CHST1: variants seen among roughly 807,000 people sequenced by gnomAD.
The protein encoded by CHST1 is carbohydrate sulfotransferase 1, also known as Keratan sulfotransferase.
Under a neutral mutation model 22.5 loss-of-function variants are expected in CHST1, and 10 were observed. That is an observed-to-expected ratio of 0.44 (90% confidence interval 0.27 to 0.75). CHST1 has a LOEUF of 0.75. Among genes scored for constraint, CHST1 ranks in the 30% least tolerant of loss-of-function variants. The probability of loss-of-function intolerance (pLI) is 0.15; values close to 1 mark genes in which losing one functional copy is unlikely to be tolerated. For synonymous variants in CHST1, 267 were observed against 264.5 expected (o/e 1.01, Z -0.09); for missense variants, 439 against 576.1 (o/e 0.76, Z 2.44).
rs1267802872 is a variant in CHST1 at position 45,665,607 on chromosome 11, G to C, written c.-656C>G. On this transcript the variant is annotated 5_prime_UTR_variant, in exon 1 of 4. Transcript: ENST00000308064. The surrounding 1 kb of genome is among the most constrained non-coding windows in gnomAD (Gnocchi z 4.0). ...AGCCAAGAGCAGCGGCGGCAGCGGCGGCTACAGCTCCGAGCGAGCGGCAGG... is the reference window on the plus strand; with the variant it reads ...AGCCAAGAGCAGCGGCGGCAGCGGCCGCTACAGCTCCGAGCGAGCGGCAGG... 6.6e-6 allele frequency: 1 copy of C among 151,570 alleles called. No homozygotes were observed. The highest frequency in any genetic ancestry group is 2.4e-5 in the African/African-American group (1 of 41,358). 9.4% of individuals were successfully genotyped at this position (151,570 alleles called of 1,614,324 possible).
chr11:45,650,394 T>C lies in CHST1; in HGVS notation c.530A>G (p.Glu177Gly). The change falls in exon 4 of 4, where the codon GAG (glutamate) becomes GGG (glycine). Residue 177 changes from glutamate (E) to glycine (G), a missense_variant. By Grantham distance (98) the Glu-to-Gly change is moderately conservative (BLOSUM62 -2). Coordinates refer to ENST00000308064, the MANE Select transcript of CHST1 (RefSeq NM_003654.6). ...GCACTTGCGCACACAGTCCCCCTCC[T>C]CCAGGACCAGGTCGGCTGGCCCCGG... The part of the protein sequence containing the change: ...DPPGPADLVL[E>G]EGDCVRKCGL... 6.2e-7 allele frequency: 1 copy of C among 1,604,950 alleles called. No individual in the cohort carries two copies. Among genetic ancestry groups the C allele is most frequent in the Non-Finnish European group, 8.5e-7 (1 of 1,179,688 alleles).
chr11:45,650,058 C>A lies in CHST1; in HGVS notation c.866G>T (p.Arg289Leu), dbSNP rs1438421534. The A allele has an allele frequency of 6.2e-7, 1 of 1,614,080 alleles. No homozygotes were observed. The highest frequency in any genetic ancestry group is 8.5e-7 in the Non-Finnish European group (1 of 1,180,018). Residue 289 changes from arginine to leucine, a missense_variant, in exon 4 of 4, where the codon CGG becomes CTG. Physicochemically the swap from Arg to Leu is moderately radical, Grantham distance 102 (BLOSUM62 -2). Coordinates refer to ENST00000308064, the MANE Select transcript of CHST1 (RefSeq NM_003654.6). ...GTACTTGCCCTTGAGCCACGGGGGC[C>A]GCATGAGGCCGGTGGACACGGAGTT... is the stretch of plus-strand genomic sequence containing the variant. ...FSNSVSTGLM[R>L]PPWLKGKYML...
chr11:45,662,365 G>C (rs1407112311), intron 1 of CHST1, among the ~76,000 whole-genome samples: 3 of 152,206 alleles, frequency 2.0e-5, no homozygotes, highest in Non-Finnish European at 4.4e-5. Flanking sequence ...TCCTAGACAG[G>C]TAGGGTCTGA....
intron 1 of CHST1, among the ~76,000 whole-genome samples, chr11:45,660,979 C>T (rs377580989): frequency 2.3e-4 from 35 of 152,312 alleles, no homozygotes; most frequent in Admixed American, 1.2e-3. Flanking sequence ...TTAGAAAACG[C>T]GGGAACCCTG....
chr11:45,650,063 G>A lies in CHST1; in HGVS notation c.861C>T (p.Leu287=). 1.2e-6 allele frequency: 2 copies of A among 1,614,142 alleles called. No individual in the cohort carries two copies. Among genetic ancestry groups the A allele is most frequent in the South Asian group, 1.1e-5 (1 of 91,080 alleles). The change falls in exon 4 of 4, where the codon CTC becomes CTT. Residue 287 remains leucine (L), a synonymous_variant. Coordinates refer to ENST00000308064, the MANE Select transcript of CHST1 (RefSeq NM_003654.6). The part of the protein sequence containing the change: ...EDFSNSVSTG[L]MRPPWLKGKY... ...TGCCCTTGAGCCACGGGGGCCGCAT[G>A]AGGCCGGTGGACACGGAGTTGGAGA... is the stretch of plus-strand genomic sequence containing the variant.
At chr11:45,656,192 G>T (rs1014226507) in intron 1 of CHST1, among the ~76,000 whole-genome samples, 1 of 152,292 alleles carries the variant, frequency 6.6e-6, no homozygotes, top group East Asian at 1.9e-4. Context: ...AATGCCATTA[G>T]TGCCCACAAT....
chr11:45,657,035 T>C (rs16938335), intron 1 of CHST1, among the ~76,000 whole-genome samples: 2,074 of 152,192 alleles, frequency 0.014, 46 homozygotes, highest in African/African-American at 0.043. Context: ...GGCAAGAACC[T>C]GAACATCGTC....
intron 1 of CHST1, among the ~76,000 whole-genome samples, chr11:45,659,995 C>T (rs1053411488): frequency 6.6e-6 from 1 of 152,168 alleles, no homozygotes; most frequent in Non-Finnish European, 1.5e-5. Context: ...GGGTGAAGAG[C>T]ATTAGGAGGG....
Position 45,650,232 on chromosome 11 carries a change from T to G in CHST1, c.692A>C (p.Gln231Pro), listed in dbSNP as rs764265419. The change falls in exon 4 of 4, where the codon CAG (glutamine) becomes CCG (proline). Residue 231 changes from glutamine to proline, a missense_variant. Coordinates refer to ENST00000308064, the MANE Select transcript of CHST1 (RefSeq NM_003654.6). Reference sequence around the variant, plus strand: ...AATGCCGCGGGGGTCTCGGACCAGCTGGATGACCTTGAGGTTTAATCGCGG... The same window carrying G: ...AATGCCGCGGGGGTCTCGGACCAGCGGGATGACCTTGAGGTTTAATCGCGG... ...EDPRLNLKVI[Q>P]LVRDPRGILA... 1 of 1,609,256 alleles carries G rather than the reference T, an allele frequency of 6.2e-7. No homozygotes were observed.
intron 1 of CHST1, among the ~76,000 whole-genome samples, chr11:45,654,823 G>A (rs547409119): frequency 6.6e-6 from 1 of 152,342 alleles, no homozygotes; most frequent in African/African-American, 2.4e-5. Context: ...GTGAACTTGA[G>A]ATGAGGGCAC....
Position 45,650,398 on chromosome 11 carries a change from G to A in CHST1, c.526C>T (p.Leu176=), listed in dbSNP as rs1458184123. ...CDPPGPADLV[L]EEGDCVRKCG... is the part of the protein sequence containing the mutation. ...TTGCGCACACAGTCCCCCTCCTCCA[G>A]GACCAGGTCGGCTGGCCCCGGAGGG... The change falls in exon 4 of 4, where the codon CTG becomes TTG. Residue 176 remains leucine (L), a synonymous_variant. Coordinates refer to ENST00000308064, the MANE Select transcript of CHST1 (RefSeq NM_003654.6). 20 of 1,605,478 alleles carry A rather than the reference G, an allele frequency of 1.2e-5. No individual in the cohort carries two copies. Among genetic ancestry groups the A allele is most frequent in the Non-Finnish European group, 1.7e-5 (20 of 1,179,724 alleles).
chr11:45,649,815 G>T lies in CHST1; in HGVS notation c.1109C>A (p.Ala370Asp), dbSNP rs1268953257. 15 of 1,611,772 alleles carry T rather than the reference G, an allele frequency of 9.3e-6. No homozygotes were observed. Among genetic ancestry groups the T allele is most frequent in the African/African-American group, 1.3e-5 (1 of 74,946 alleles). The part of the protein sequence containing the change: ...WRFRLSYDIV[A>D]FAQNACQQVL... Reference sequence around the variant, plus strand: ...CTGCTGGCAGGCGTTCTGGGCAAAGGCCACGATGTCGTAGGAGAGGCGGAA... The same window carrying T: ...CTGCTGGCAGGCGTTCTGGGCAAAGTCCACGATGTCGTAGGAGAGGCGGAA... Residue 370 changes from alanine to aspartate, a missense_variant, in exon 4 of 4, where the codon GCC becomes GAC. Ala to Asp is a moderately radical substitution (Grantham distance 126). Coordinates refer to ENST00000308064, the MANE Select transcript of CHST1 (RefSeq NM_003654.6).
rs764636490 is a variant in CHST1 at position 45,650,729 on chromosome 11, G to A, written c.195C>T (p.Ile65=). ...YNLSRKTHIL[I]LATTRSGSSF... is the part of the protein sequence containing the mutation. ...AGGAGCCACTGCGCGTGGTGGCCAG[G>A]ATGAGGATGTGGGTCTTGCGGGAGA... Residue 65 remains isoleucine, a synonymous_variant, in exon 4 of 4, where the codon ATC becomes ATT. Transcript: ENST00000308064. 1 of 1,614,156 alleles carries A rather than the reference G, an allele frequency of 6.2e-7. No individual in the cohort carries two copies. The highest frequency in any genetic ancestry group is 1.1e-5 in the South Asian group (1 of 91,092).
intron 1 of CHST1, among the ~76,000 whole-genome samples, chr11:45,658,194 G>A (rs1046715272): frequency 9.2e-5 from 14 of 152,216 alleles, no homozygotes; most frequent in Admixed American, 3.9e-4. Flanking sequence ...TAGCTATGAG[G>A]CCTTGCGTGA....
chr11:45,655,125 G>A (rs1321884567), intron 1 of CHST1, among the ~76,000 whole-genome samples: 1 of 152,198 alleles, frequency 6.6e-6, no homozygotes, highest in African/African-American at 2.4e-5. Context: ...AGAGATCTTG[G>A]CTAGCTTTCT....
rs528515371 is a variant in CHST1 at position 45,649,865 on chromosome 11, C to T, written c.1059G>A (p.Ser353=). The T allele has an allele frequency of 6.2e-7, 1 of 1,611,140 alleles. No individual in the cohort carries two copies. Among genetic ancestry groups the T allele is most frequent in the Non-Finnish European group, 8.5e-7 (1 of 1,179,954 alleles). The change falls in exon 4 of 4, where the codon TCG becomes TCA. Residue 353 remains serine, a synonymous_variant. Transcript: ENST00000308064. ...AGCGCCACTTCTCGGCCGTGGCCGC[C>T]GAGTTTCGCACGGTGCCGTATTTGT... ...GKHKYGTVRN[S]AATAEKWRFR...
chr11:45,649,457 G>GTA lies in CHST1; in HGVS notation c.*230_*231insTA. 3.8e-6 allele frequency: 2 copies of GTA among 527,638 alleles called. No homozygotes were observed. Among genetic ancestry groups the GTA allele is most frequent in the South Asian group, 3.0e-5 (1 of 33,720 alleles). 32.7% of individuals were successfully genotyped at this position (527,638 alleles called of 1,614,324 possible). On this transcript the variant is annotated 3_prime_UTR_variant, in exon 4 of 4. Coordinates refer to ENST00000308064, the MANE Select transcript of CHST1 (RefSeq NM_003654.6). Reference sequence around the variant, plus strand: ...AACATCCATGTGTCTGAATGGGGGGGGGGGGGGCGGGACCCTACTTCAGGC... The same window carrying GTA: ...AACATCCATGTGTCTGAATGGGGGGGTAGGGGGGGCGGGACCCTACTTCAGGC...
chr11:45,648,875 G>A lies in CHST1; in HGVS notation c.*813C>T, dbSNP rs1851951026. ...TCAGAATGTCCTGCAATCACACACAGAGATTATTGCACTCTTTTATTTACA... is the reference window on the plus strand; with the variant it reads ...TCAGAATGTCCTGCAATCACACACAAAGATTATTGCACTCTTTTATTTACA... On this transcript the variant is annotated 3_prime_UTR_variant, in exon 4 of 4. Transcript: ENST00000308064. The A allele has an allele frequency of 6.6e-6, 1 of 152,588 alleles. No homozygotes were observed. The highest frequency in any genetic ancestry group is 6.5e-5 in the Admixed American group (1 of 15,278). The allele number at this position is 152,588 out of a possible 1,614,324, so 9.5% of individuals were successfully genotyped here.
chr11:45,649,778 C>T lies in CHST1; in HGVS notation c.1146G>A (p.Gln382=), dbSNP rs1851966216. 2 of 1,611,814 alleles carry T rather than the reference C, an allele frequency of 1.2e-6. No individual in the cohort carries two copies. Among genetic ancestry groups the T allele is most frequent in the Non-Finnish European group, 1.7e-6 (2 of 1,179,778 alleles). ...CCGAGGCGGCGATCTTGTAGCCCAGCTGGGCCAGCACCTGCTGGCAGGCGT... is the reference window on the plus strand; with the variant it reads ...CCGAGGCGGCGATCTTGTAGCCCAGTTGGGCCAGCACCTGCTGGCAGGCGT... The part of the protein sequence containing the change: ...AQNACQQVLA[Q]LGYKIAASEE... The change falls in exon 4 of 4, where the codon CAG becomes CAA. Residue 382 remains glutamine, a synonymous_variant. Transcript: ENST00000308064.
Sources: gnomAD v4.1 joint callset for allele counts (sites outside exome capture counted in the v4.1 genomes callset) on GRCh38, gnomAD v4.1.1 for gene constraint, Gnocchi (gnomAD v3.1) non-coding constraint, MANE v1.5 for transcripts, NCBI Gene and HGNC (gene_info 2026-07-23, HGNC 2026-07-21) for gene names.